The following SEPTIN8 variants were observed in gnomAD, a reference collection of about 807,000 sequenced individuals.
SEPTIN8 encodes the protein septin 8.
A neutral mutation model predicts 53.1 loss-of-function variants in SEPTIN8; 22 were observed. That is an observed-to-expected ratio of 0.41 (90% CI 0.30 to 0.59). SEPTIN8 has a LOEUF of 0.59. Ranked by LOEUF, SEPTIN8 falls within the 20% of genes least tolerant of loss-of-function variation. SEPTIN8 has a pLI of 0.24. For synonymous variants in SEPTIN8, 228 were observed against 248.4 expected, an observed-to-expected ratio of 0.92 and a Z score of 0.77; for missense variants, 536 against 638.7, an observed-to-expected ratio of 0.84 and a Z score of 1.73.
At chr5:132,756,785 C>A in intron 9 of SEPTIN8, 14 of 985,458 alleles carry the variant, frequency 1.4e-5, no homozygotes, top group Non-Finnish European at 1.7e-5. Context: ...TTCAGTATGC[C>A]TGGGGTGCGA....
At chr5:132,758,419 A>C in intron 9 of SEPTIN8, 1 of 1,560,778 alleles carries the variant, frequency 6.4e-7, no homozygotes, top group Non-Finnish European at 8.7e-7. Flanking sequence ...ACGCAGCTGC[A>C]CCTAGGGCAC....
chr5:132,759,543 G>T (rs1755678891), intron 9 of SEPTIN8, among the ~76,000 whole-genome samples: 1 of 152,190 alleles, frequency 6.6e-6, no homozygotes, highest in Non-Finnish European at 1.5e-5. Flanking sequence ...TTAACAAGAT[G>T]GCAGGAAGCA....
At position 132,777,002 on chromosome 5, in the gene SEPTIN8, G is replaced by T; in HGVS notation, c.30+106C>A. 1.4e-6 allele frequency: 1 copy of T among 696,350 alleles called. No homozygotes were observed. Among genetic ancestry groups the T allele is most frequent in the South Asian group, 6.9e-5 (1 of 14,452 alleles). 43.1% of individuals were successfully genotyped at this position (696,350 alleles called of 1,614,324 possible). A position where few individuals can be genotyped will look rare whatever the true frequency, so the allele number is the denominator to read the frequency against. On this transcript the variant is annotated intron_variant, in intron 1 of 9. Transcript: ENST00000378719. The surrounding 1 kb of genome is among the most constrained non-coding windows in gnomAD (Gnocchi z 4.1). ...TCGAGCTGGCCCGGTGTCGAGGCCC[G>T]GCCGTGAGGCGCTGACAGCCCGCTT...
At chr5:132,763,454 A>G (rs563764872) in intron 4 of SEPTIN8, among the ~76,000 whole-genome samples, 2 of 152,324 alleles carry the variant, frequency 1.3e-5, no homozygotes, top group East Asian at 1.9e-4. Context: ...AATGAGAATG[A>G]TTCAGCTGCA....
intron 9 of SEPTIN8, chr5:132,752,920 A>T (rs747214441): frequency 6.2e-7 from 1 of 1,614,162 alleles, no homozygotes; most frequent in East Asian, 2.2e-5. Flanking sequence ...GCAACTGAGA[A>T]GTCTTCAGTC....
upstream of SEPTIN8, chr5:132,777,257 T>G: frequency 8.9e-7 from 1 of 1,126,380 alleles, no homozygotes; most frequent in Non-Finnish European, 1.1e-6. This position sits in a 1 kb window ranked among gnomAD's most constrained non-coding sequence, Gnocchi z 4.1. Flanking sequence ...ATATGGCCAC[T>G]TCCTGGAAAC....
At position 132,751,124 on chromosome 5, in the gene SEPTIN8, C is replaced by T. The variant is rs1484020745; in HGVS notation, c.*892G>A. The T allele has an allele frequency of 5.8e-6, 6 of 1,041,338 alleles. No individual in the cohort carries two copies. The highest frequency in any genetic ancestry group is 2.4e-5 in the East Asian group (1 of 41,326). 64.5% of individuals were successfully genotyped at this position (1,041,338 alleles called of 1,614,324 possible). Reference sequence around the variant, plus strand: ...TTGCACATGCACCACAGTGAGGTGACGCACAAGGCTCATGACATACGGAAG... The same window carrying T: ...TTGCACATGCACCACAGTGAGGTGATGCACAAGGCTCATGACATACGGAAG... On this transcript the variant is annotated 3_prime_UTR_variant, in exon 10 of 10. Coordinates refer to ENST00000378719, the MANE Select transcript of SEPTIN8 (RefSeq NM_001098811.2).
chr5:132,758,815 C>T (rs372336901), intron 9 of SEPTIN8: 19 of 1,613,710 alleles, frequency 1.2e-5, no homozygotes, highest in South Asian at 5.5e-5. Context: ...TAAGTCTGTG[C>T]GTGCGTTAAC....
At chr5:132,755,873 A>T in intron 9 of SEPTIN8, 1 of 726,434 alleles carries the variant, frequency 1.4e-6, no homozygotes, top group Non-Finnish European at 1.7e-6. Context: ...AACAATTCCT[A>T]CAGAAGTAGA....
chr5:132,764,121 C>A, intron 3 of SEPTIN8, 103 bp downstream of exon 3: 1 of 1,256,230 alleles, frequency 8.0e-7, no homozygotes, highest in South Asian at 1.5e-5. Flanking sequence ...CCCCAAGAGG[C>A]CCTCCCTGGC....
intron 1 of SEPTIN8, among the ~76,000 whole-genome samples, chr5:132,767,991 C>CACACACACACA (rs1581178346): frequency 4.6e-5 from 4 of 87,014 alleles, no homozygotes; most frequent in East Asian, 2.4e-3. Context: ...ACACACGCAG[C>CACACACACACA]CGCAGAGCAC....
At chr5:132,772,280 A>T (rs2150001602) in intron 1 of SEPTIN8, among the ~76,000 whole-genome samples, 1 of 152,220 alleles carries the variant, frequency 6.6e-6, no homozygotes, top group East Asian at 1.9e-4. Context: ...TTCCCATCAA[A>T]ATCAGATTTC....
intron 3 of SEPTIN8, 105 bp from the exon 4 acceptor site, chr5:132,763,997 C>T (rs1265667006): frequency 4.9e-6 from 6 of 1,234,492 alleles, no homozygotes; most frequent in African/African-American, 1.5e-5. Flanking sequence ...CTGGCCTTTT[C>T]TTTCTGGGAA....
chr5:132,765,430 T>C lies in SEPTIN8; in HGVS notation c.130A>G (p.Ser44Gly). The change falls in exon 2 of 10, where the codon AGC (serine) becomes GGC (glycine). Residue 44 changes from serine (S) to glycine (G), a missense_variant. Coordinates refer to ENST00000378719, the MANE Select transcript of SEPTIN8 (RefSeq NM_001098811.2). ...TCACCCACACAGAGGATGTTGAAGC[T>C]GAAGCCCTGAGTGACCGACTTGCTG... ...LVSKSVTQGFSFNILCVGETG... is the reference protein window; with the variant it reads ...LVSKSVTQGFGFNILCVGETG... 6.2e-7 allele frequency: 1 copy of C among 1,613,674 alleles called. No individual in the cohort carries two copies. Among genetic ancestry groups the C allele is most frequent in the Non-Finnish European group, 8.5e-7 (1 of 1,179,754 alleles).
intron 9 of SEPTIN8, 34 bp from the exon 10 acceptor site, chr5:132,752,215 C>G: frequency 1.9e-6 from 3 of 1,549,556 alleles, no homozygotes; most frequent in South Asian, 1.2e-5. Context: ...CAACTTTGCC[C>G]CAGACCAGGC....
rs773036005 is a variant in SEPTIN8, at chr5:132,760,939, C to G, written c.1149G>C (p.Lys383Asn). Residue 383 changes from lysine (K) to asparagine (N), a missense_variant, in exon 9 of 10, where the codon AAG becomes AAC. Transcript: ENST00000378719. This position sits in a 1 kb window ranked among gnomAD's most constrained non-coding sequence, Gnocchi z 5.2. ...LKRVHQEEKR[K>N]VEEKRRELEE... The stretch of plus-strand genomic sequence containing the variant: ...CCAGTTCCCGGCGCTTTTCCTCCAC[C>G]TTGCGCTTCTCCTCCTGGTGGACCC... 6.3e-7 allele frequency: 1 copy of G among 1,599,336 alleles called. No individual in the cohort carries two copies. The highest frequency in any genetic ancestry group is 1.1e-5 in the South Asian group (1 of 88,548).
At chr5:132,777,462 G>A, upstream of SEPTIN8, 1 of 985,976 alleles carries the variant, frequency 1.0e-6, no homozygotes. This position sits in a 1 kb window ranked among gnomAD's most constrained non-coding sequence, Gnocchi z 4.1. Flanking sequence ...TGGGGGACCG[G>A]GACGGCAGTG....
In SEPTIN8 at chr5:132,765,454, T is replaced by C. The variant is rs1294517142; in HGVS notation, c.106A>G (p.Ser36Gly). 3 of 1,613,554 alleles carry C rather than the reference T, an allele frequency of 1.9e-6. No homozygotes were observed. Among genetic ancestry groups the C allele is most frequent in the Non-Finnish European group, 1.7e-6 (2 of 1,179,744 alleles). ...GFDSLPDQLVSKSVTQGFSFN... is the reference protein window; with the variant it reads ...GFDSLPDQLVGKSVTQGFSFN... ...CTGAAGCCCTGAGTGACCGACTTGC[T>C]GACCAGCTGGTCGGGGAGGCTGTCG... Residue 36 changes from serine to glycine, a missense_variant, in exon 2 of 10, where the codon AGC becomes GGC. By Grantham distance (56) the Ser-to-Gly change is moderately conservative. Transcript: ENST00000378719.
At chr5:132,752,829 G>A in intron 9 of SEPTIN8, 1 of 1,558,560 alleles carries the variant, frequency 6.4e-7, no homozygotes, top group Non-Finnish European at 8.8e-7. Context: ...AATGTATGAT[G>A]GTTCTGCTTG....
Sources: allele counts gnomAD v4.1 joint callset (sites outside exome capture counted in the v4.1 genomes callset), GRCh38; gene constraint gnomAD v4.1.1; non-coding constraint Gnocchi (gnomAD v3.1); transcripts MANE v1.5; gene names NCBI Gene and HGNC (gene_info 2026-07-23, HGNC 2026-07-21).